BBX: variants seen among roughly 807,000 people sequenced by gnomAD.
BBX encodes the protein BBX high mobility group box domain containing, also known as HMG box transcription factor BBX.
In BBX, 30 loss-of-function variants were observed where a neutral mutation model predicts 100.2. That is an observed-to-expected ratio of 0.30 (90% CI 0.22 to 0.41). The LOEUF (loss-of-function observed/expected upper bound fraction) is 0.41, where lower values mean the gene tolerates loss of function less well. Ranked by LOEUF, BBX falls within the 10% of genes least tolerant of loss-of-function variation. The probability of loss-of-function intolerance (pLI) is 1.00; values close to 1 mark genes in which losing one functional copy is unlikely to be tolerated. For synonymous variants in BBX, 376 were observed against 388.1 expected (o/e 0.97, Z 0.37); for missense variants, 1,023 against 1,129.8 (o/e 0.91, Z 1.35).
intron 2 of BBX, among the ~76,000 whole-genome samples, chr3:107,638,780 TAC>T (rs61081300): frequency 0.076 from 7,550 of 99,052 alleles, 513 homozygotes; most frequent in Non-Finnish European, 0.1. Context: ...AAAAAAAGTA[TAC>T]ACACACACAC....
At chr3:107,685,883 T>C (rs547433236) in intron 3 of BBX, among the ~76,000 whole-genome samples, 1 of 152,332 alleles carries the variant, frequency 6.6e-6, no homozygotes, top group African/African-American at 2.4e-5. Context: ...ACCCTGAGAA[T>C]TGTTAGATTG....
At chr3:107,562,810 G>A (rs1028277191) in intron 2 of BBX, among the ~76,000 whole-genome samples, 2 of 152,106 alleles carry the variant, frequency 1.3e-5, no homozygotes, top group African/African-American at 4.8e-5. Flanking sequence ...GAAAAGAAAT[G>A]AATTAACGTG....
intron 2 of BBX, among the ~76,000 whole-genome samples, chr3:107,617,480 GCTATGTTTAGTTTTCTAATT>G (rs2055382178): frequency 6.6e-6 from 1 of 151,750 alleles, no homozygotes; most frequent in Non-Finnish European, 1.5e-5. Context: ...TGCCATCTTC[GCTATGTTTAGTTTTCTAATT>G]CATGAACACT....
chr3:107,799,107 G>A (rs1480390686), intron 16 of BBX, among the ~76,000 whole-genome samples: 3 of 151,200 alleles, frequency 2.0e-5, no homozygotes, highest in Admixed American at 6.6e-5. Context: ...CCGAGATCGC[G>A]CCACTGCACT....
intron 2 of BBX, among the ~76,000 whole-genome samples, chr3:107,530,707 CA>C (rs2048102795): frequency 1.3e-5 from 2 of 152,132 alleles, no homozygotes; most frequent in Non-Finnish European, 2.9e-5. Context: ...CTGTATTTCT[CA>C]AATACTTTTG....
chr3:107,711,027 G>A (rs1452759571), intron 4 of BBX, among the ~76,000 whole-genome samples: 1 of 152,118 alleles, frequency 6.6e-6, no homozygotes, highest in African/African-American at 2.4e-5. Flanking sequence ...GTCTCTATCC[G>A]TGGCCTTCAC....
chr3:107,705,287 T>C (rs2061330606), intron 3 of BBX, among the ~76,000 whole-genome samples: 1 of 152,206 alleles, frequency 6.6e-6, no homozygotes, highest in African/African-American at 2.4e-5. Flanking sequence ...TACTCTCCTG[T>C]TTCACTGGGC....
At chr3:107,673,888 G>A (rs192387624) in intron 3 of BBX, among the ~76,000 whole-genome samples, 6 of 152,050 alleles carry the variant, frequency 3.9e-5, no homozygotes, top group Admixed American at 3.3e-4. Flanking sequence ...TGTAAAACAC[G>A]CATAGAGCAG....
chr3:107,771,353 G>T (rs1451128588), intron 10 of BBX, among the ~76,000 whole-genome samples: 6 of 152,178 alleles, frequency 3.9e-5, no homozygotes, highest in African/African-American at 1.4e-4. Flanking sequence ...GTATCTGGGA[G>T]CCAGAGAGGA....
chr3:107,737,884 G>GATTTTTT (rs2063743766), intron 7 of BBX, among the ~76,000 whole-genome samples: 1 of 48,886 alleles, frequency 2.0e-5, no homozygotes, highest in African/African-American at 8.9e-5. Flanking sequence ...CAGAGTTCCA[G>GATTTTTT]TTTTTTTTTT....
Position 107,716,765 on chromosome 3 carries a change from C to T in BBX, c.321C>T (p.Asn107=). 6.2e-7 allele frequency: 1 copy of T among 1,613,758 alleles called. No homozygotes were observed. Among genetic ancestry groups the T allele is most frequent in the Non-Finnish European group, 8.5e-7 (1 of 1,179,760 alleles). ...LVRQEHPRLD[N]RGATKILADW... ...GTCAGGAACACCCCAGGCTTGATAA[C>T]CGAGGTGCTACCAAGATACTAGCTG... Residue 107 remains asparagine, a synonymous_variant, in exon 5 of 18, where the codon AAC becomes AAT. Coordinates refer to ENST00000325805, the MANE Select transcript of BBX (RefSeq NM_001142568.3).
intron 2 of BBX, among the ~76,000 whole-genome samples, chr3:107,605,882 C>G (rs1249089191): frequency 6.6e-6 from 1 of 152,118 alleles, no homozygotes; most frequent in South Asian, 2.1e-4. Context: ...ATTTTCTTGT[C>G]CCCAAGCTTT....
intron 3 of BBX, among the ~76,000 whole-genome samples, chr3:107,692,073 A>G (rs1046906342): frequency 4.6e-5 from 7 of 152,112 alleles, no homozygotes; most frequent in Admixed American, 2.6e-4. Flanking sequence ...TCAGTGATAC[A>G]GACTATTGAT....
At chr3:107,771,513 C>G (rs145131566) in intron 10 of BBX, among the ~76,000 whole-genome samples, 66 of 152,242 alleles carry the variant, frequency 4.3e-4, no homozygotes, top group African/African-American at 1.5e-3. Flanking sequence ...ATACATATTA[C>G]ACTAAGTAAC....
At chr3:107,761,692 ATGC>A in intron 10 of BBX, among the ~76,000 whole-genome samples, 1 of 152,306 alleles carries the variant, frequency 6.6e-6, no homozygotes, top group African/African-American at 2.4e-5. Flanking sequence ...GAGCTGAAAG[ATGC>A]TGAGGGTGGG....
chr3:107,783,353 C>G (rs2068091855), intron 13 of BBX, among the ~76,000 whole-genome samples: 2 of 152,048 alleles, frequency 1.3e-5, no homozygotes, highest in African/African-American at 4.8e-5. Context: ...ATAAGCTCTT[C>G]TGTGTACAAA....
Position 107,622,024 on chromosome 3 carries a change from A to G in BBX, c.-83-23812A>G, listed in dbSNP as rs558504113. Among the ~76,000 whole-genome samples, 9 of 152,298 alleles carry G rather than the reference A, an allele frequency of 5.9e-5. 1 individual carries two copies. The South Asian group carries it at 1.7e-3, about 28-fold the overall frequency. On this transcript the variant is annotated intron_variant, in intron 2 of 17. Coordinates refer to ENST00000325805, the MANE Select transcript of BBX (RefSeq NM_001142568.3). ...TAAAACATGTATAGATTTCGTGTACAGTTCTTTGTTAAAATTTAGAAAAGT... is the reference window on the plus strand; with the variant it reads ...TAAAACATGTATAGATTTCGTGTACGGTTCTTTGTTAAAATTTAGAAAAGT...
rs369200879 is a variant in BBX at position 107,549,305 on chromosome 3, T to C, written c.-84+22907T>C. Among the ~76,000 whole-genome samples, 28 of 152,042 alleles carry C rather than the reference T, an allele frequency of 1.8e-4. No homozygotes were observed. The South Asian group carries it at 5.4e-3, about 29-fold the overall frequency. ...TGCCTTTATGAAGTATACTTTCTAGTGGGGGAAAACAGAAAATAAATAAAA... is the reference window on the plus strand; with the variant it reads ...TGCCTTTATGAAGTATACTTTCTAGCGGGGGAAAACAGAAAATAAATAAAA... On this transcript the variant is annotated intron_variant, in intron 2 of 17. Transcript: ENST00000325805.
At chr3:107,776,146 C>G (rs944896369) in intron 12 of BBX, 1 of 152,146 alleles carries the variant, frequency 6.6e-6, no homozygotes, top group Non-Finnish European at 1.5e-5. Flanking sequence ...CCTTGTGGGT[C>G]TGCTCACTGA....
Sources: allele counts gnomAD v4.1 joint callset (sites outside exome capture counted in the v4.1 genomes callset), GRCh38; gene constraint gnomAD v4.1.1; transcripts MANE v1.5; gene names NCBI Gene and HGNC (gene_info 2026-07-23, HGNC 2026-07-21).